The following AIM2 variants were observed in gnomAD, a reference collection of about 807,000 sequenced individuals.
AIM2 encodes absent in melanoma 2.
AIM2 carries 30 observed loss-of-function variants against 27.7 expected under a neutral mutation model. The observed-to-expected ratio is 1.08, with a 90% CI of 0.81 to 1.47. The LOEUF (loss-of-function observed/expected upper bound fraction) is 1.47. Among genes scored for constraint, AIM2 ranks in the 40% most tolerant of loss-of-function variants. The pLI is 0.00. For synonymous variants in AIM2, 141 were observed against 145.3 expected (o/e 0.97, Z 0.21); for missense variants, 358 against 411.3 (o/e 0.87, Z 1.12).
At chr1:159,084,672 T>A (rs1357169784) in intron 1 of AIM2, among the ~76,000 whole-genome samples, 1 of 151,362 alleles carries the variant, frequency 6.6e-6, no homozygotes. Context: ...ACTTGGGAGG[T>A]TGAGGCAGGA....
At chr1:159,124,853 A>G (rs1647646171) in intron 1 of AIM2, among the ~76,000 whole-genome samples, 1 of 152,212 alleles carries the variant, frequency 6.6e-6, no homozygotes, top group South Asian at 2.1e-4. Flanking sequence ...GTGCAGGAGA[A>G]AAGTCTGAAT....
chr1:159,123,551 C>T (rs550313168), intron 1 of AIM2: 166 of 152,302 alleles, frequency 1.1e-3, no homozygotes, highest in African/African-American at 3.9e-3. Flanking sequence ...CTTCTTTCTT[C>T]ATCTGTAAAT....
intron 1 of AIM2, among the ~76,000 whole-genome samples, chr1:159,090,616 A>G (rs1657022648): frequency 6.6e-6 from 1 of 152,154 alleles, no homozygotes; most frequent in Admixed American, 6.5e-5. Context: ...CCAAAACTTT[A>G]CCTTAAGGTG....
intron 4 of AIM2, among the ~76,000 whole-genome samples, chr1:159,065,498 T>C (rs1214219685): frequency 1.3e-5 from 2 of 152,224 alleles, no homozygotes; most frequent in African/African-American, 4.8e-5. Flanking sequence ...CTGCCTTGCG[T>C]ATTGGTTTTT....
At chr1:159,115,579 G>A (rs1179036990) in intron 1 of AIM2, among the ~76,000 whole-genome samples, 4 of 152,124 alleles carry the variant, frequency 2.6e-5, no homozygotes, top group African/African-American at 4.8e-5. Flanking sequence ...AACAAAAAAC[G>A]GGGAAACGAT....
At chr1:159,118,588 C>T (rs1647447480) in intron 1 of AIM2, among the ~76,000 whole-genome samples, 1 of 152,110 alleles carries the variant, frequency 6.6e-6, no homozygotes, top group African/African-American at 2.4e-5. Flanking sequence ...GAGCAAATAT[C>T]TGTAGGGTGG....
chr1:159,141,946 T>G (rs1250721001), upstream of AIM2, among the ~76,000 whole-genome samples: 1 of 152,172 alleles, frequency 6.6e-6, no homozygotes, highest in Non-Finnish European at 1.5e-5. Flanking sequence ...AACTAGAGCC[T>G]TTGCTCTCCT....
intron 1 of AIM2, among the ~76,000 whole-genome samples, chr1:159,093,981 C>T (rs1002316489): frequency 6.6e-6 from 1 of 151,580 alleles, no homozygotes; most frequent in Non-Finnish European, 1.5e-5. Context: ...ACCTCATGAT[C>T]CACCTGCCTC....
chr1:159,078,985 G>A (rs549393182), upstream of AIM2, among the ~76,000 whole-genome samples: 5 of 152,098 alleles, frequency 3.3e-5, no homozygotes, highest in South Asian at 2.1e-4. Context: ...CCAGGCCAAC[G>A]CAAAAAGAAT....
intron 1 of AIM2, among the ~76,000 whole-genome samples, chr1:159,129,855 A>T (rs935519971): frequency 2.6e-5 from 4 of 151,938 alleles, no homozygotes; most frequent in African/African-American, 9.7e-5. Context: ...CAAACAAACC[A>T]CTCCCTAAAC....
chr1:159,105,306 T>G (rs996505687), intron 1 of AIM2, among the ~76,000 whole-genome samples: 4 of 152,212 alleles, frequency 2.6e-5, no homozygotes, highest in African/African-American at 9.6e-5. Flanking sequence ...AGCTTGCAGA[T>G]GCCAGAAACC....
At chr1:159,137,207 T>C (rs1157484985) in intron 1 of AIM2, among the ~76,000 whole-genome samples, 1 of 152,070 alleles carries the variant, frequency 6.6e-6, no homozygotes, top group African/African-American at 2.4e-5. Flanking sequence ...GGTTTGAAAA[T>C]TTGATGGAAT....
rs891677512 is a variant in AIM2, at chr1:159,092,737, C to T, written c.-15-26408G>A. The stretch of plus-strand genomic sequence containing the variant: ...TAAGTAGAGGAGTCAAAATTTGATC[C>T]CAGGGGCTGGACACACTGGCTCACG... On this transcript the variant is annotated intron_variant, in intron 1 of 2. Transcript: ENST00000368129. Among the ~76,000 whole-genome samples the T allele has an allele frequency of 5.9e-5, 9 of 152,034 alleles. 1 individual carries two copies. Among genetic ancestry groups the T allele is most frequent in the Admixed American group, 5.9e-4 (9 of 15,264 alleles).
At chr1:159,146,303 GT>G (rs1374502552) in intron 1 of AIM2, among the ~76,000 whole-genome samples, 1 of 151,918 alleles carries the variant, frequency 6.6e-6, no homozygotes, top group East Asian at 1.9e-4. Context: ...ATGATTCCTG[GT>G]GCTAACTTTC....
upstream of AIM2, among the ~76,000 whole-genome samples, chr1:159,141,941 G>A (rs1201585386): frequency 6.6e-6 from 1 of 152,172 alleles, no homozygotes; most frequent in Non-Finnish European, 1.5e-5. Flanking sequence ...GACAGAACTA[G>A]AGCCTTTGCT....
chr1:159,067,907 TG>T (rs1303805960), intron 3 of AIM2, among the ~76,000 whole-genome samples: 3 of 152,130 alleles, frequency 2.0e-5, no homozygotes, highest in South Asian at 2.1e-4. Context: ...TTCTCACCAA[TG>T]ACACTCTCCA....
intron 3 of AIM2, among the ~76,000 whole-genome samples, chr1:159,068,232 T>C (rs1047641654): frequency 6.6e-6 from 1 of 152,122 alleles, no homozygotes; most frequent in Non-Finnish European, 1.5e-5. Flanking sequence ...TTCCTCTTCT[T>C]CTCCTTTCAC....
chr1:159,075,624 A>G (rs972649172), intron 1 of AIM2, among the ~76,000 whole-genome samples: 3 of 151,872 alleles, frequency 2.0e-5, no homozygotes, highest in African/African-American at 7.3e-5. Context: ...AGAGAGAGAG[A>G]GAGAGAGAGA....
At chr1:159,083,686 A>T (rs1255010060) in intron 1 of AIM2, among the ~76,000 whole-genome samples, 1 of 152,204 alleles carries the variant, frequency 6.6e-6, no homozygotes, top group East Asian at 1.9e-4. Context: ...TATCCTAAGG[A>T]TCTACATTCT....
Sources: gnomAD v4.1 joint callset for allele counts (sites outside exome capture counted in the v4.1 genomes callset) on GRCh38, gnomAD v4.1.1 for gene constraint, MANE v1.5 for transcripts, NCBI Gene and HGNC (gene_info 2026-07-23, HGNC 2026-07-21) for gene names.